The following PVT1 variants were observed in gnomAD, a reference collection of about 807,000 sequenced individuals.
The protein encoded by PVT1 is Pvt1 oncogene.
intron 4 of PVT1, among the ~76,000 whole-genome samples, chr8:128,063,601 C>G (rs1186744060): frequency 6.6e-6 from 1 of 152,066 alleles, no homozygotes; most frequent in African/African-American, 2.4e-5. Flanking sequence ...GTGTGTGTGG[C>G]TCAAGCCAGG....
intron 3 of PVT1, among the ~76,000 whole-genome samples, chr8:127,970,398 C>T (rs565076409): frequency 6.7e-5 from 10 of 148,952 alleles, no homozygotes; most frequent in Non-Finnish European, 1.2e-4. Flanking sequence ...CCCAGGCTCA[C>T]GCCATTCACC....
At position 127,833,778 on chromosome 8, in the gene PVT1, G is replaced by T. The variant is rs532725220; in HGVS notation, n.372+37707G>T. 6.6e-5 allele frequency among the ~76,000 whole-genome samples: 10 copies of T among 152,272 alleles called. No individual in the cohort carries two copies. In the South Asian group the frequency reaches 1.9e-3, roughly 28 times the overall value. On this transcript the variant is annotated intron_variant and non_coding_transcript_variant, in intron 2 of 10. Transcript: ENST00000651587. ...GTCTTGGCCCGAGGGCATTGGCTCT[G>T]CCTGGCTCCAGAGGGATATGAAGCC...
At chr8:128,009,349 A>G (rs1241055493) in intron 4 of PVT1, among the ~76,000 whole-genome samples, 1 of 152,212 alleles carries the variant, frequency 6.6e-6, no homozygotes, top group Non-Finnish European at 1.5e-5. Context: ...AAAAAGTCCT[A>G]TTCTATATGT....
At chr8:127,802,186 A>T (rs1227065451) in intron 2 of PVT1, among the ~76,000 whole-genome samples, 1 of 152,128 alleles carries the variant, frequency 6.6e-6, no homozygotes, top group African/African-American at 2.4e-5. Flanking sequence ...AAGTGCTGGA[A>T]TTACAGGTGT....
At position 127,984,858 on chromosome 8, in the gene PVT1, TTTC is replaced by T. The variant is rs1361561148; in HGVS notation, n.783-4301_783-4299del. On this transcript the variant is annotated intron_variant and non_coding_transcript_variant, in intron 3 of 10. Transcript: ENST00000651587. ...TTTCTTTTCTTTCTTTCTTTCTTTC[TTTC>T]TTTCTTTCTTTCTTTCTTTCTTTCT... Among the ~76,000 whole-genome samples, 145 of 47,176 alleles carry T rather than the reference TTTC, an allele frequency of 3.1e-3. 3 individuals carry two copies. Among genetic ancestry groups the T allele is most frequent in the African/African-American group, 8.7e-3 (137 of 15,736 alleles). The allele number at this position is 47,176 out of a possible 152,430, so 30.9% of individuals were successfully genotyped here.
chr8:127,933,028 T>C (rs1330960651), intron 3 of PVT1, among the ~76,000 whole-genome samples: 1 of 152,228 alleles, frequency 6.6e-6, no homozygotes. Context: ...GGGCATATTA[T>C]TGCCCTTTTA....
chr8:127,897,746 T>C (rs1428130791), intron 3 of PVT1, among the ~76,000 whole-genome samples: 2 of 148,886 alleles, frequency 1.3e-5, no homozygotes, highest in East Asian at 4.0e-4. Context: ...GAAAGATTCA[T>C]TATTCTGTCC....
intron 3 of PVT1, among the ~76,000 whole-genome samples, chr8:127,902,682 C>T (rs1168722939): frequency 2.6e-5 from 4 of 151,908 alleles, no homozygotes; most frequent in Admixed American, 6.6e-5. Context: ...TGAGAACATG[C>T]GGTATTTTGT....
At chr8:127,843,267 C>G (rs754485695) in intron 2 of PVT1, among the ~76,000 whole-genome samples, 3 of 150,732 alleles carry the variant, frequency 2.0e-5, no homozygotes. Flanking sequence ...ACTGCTTGAA[C>G]CCGGGAGGTG....
At chr8:127,914,792 T>C (rs1405860572) in intron 3 of PVT1, among the ~76,000 whole-genome samples, 2 of 151,128 alleles carry the variant, frequency 1.3e-5, no homozygotes, top group African/African-American at 4.9e-5. Flanking sequence ...AGTAGCTGCT[T>C]AATGGGTACA....
chr8:127,850,005 A>G lies in PVT1; in HGVS notation n.373-40584A>G, dbSNP rs7823282. 1.5e-4 allele frequency among the ~76,000 whole-genome samples: 17 copies of G among 116,346 alleles called. 4 individuals are homozygous for G. The highest frequency in any genetic ancestry group is 3.3e-4 in the South Asian group (1 of 2,986). The allele number at this position is 116,346 out of a possible 152,430, so 76.3% of individuals were successfully genotyped here. The stretch of plus-strand genomic sequence containing the variant: ...GGGTGCACAGCCTGTACATATGTGT[A>G]TTTGTGCTCCTGTGTGCACGTGCAT... On this transcript the variant is annotated intron_variant and non_coding_transcript_variant, in intron 2 of 10. Transcript: ENST00000651587.
At chr8:128,030,754 C>CT (rs1313786186) in intron 4 of PVT1, among the ~76,000 whole-genome samples, 5 of 152,164 alleles carry the variant, frequency 3.3e-5, no homozygotes, top group Non-Finnish European at 1.5e-5. Flanking sequence ...GTTCAGTCTT[C>CT]TTTTTTATCT....
intron 4 of PVT1, among the ~76,000 whole-genome samples, chr8:128,054,748 C>T (rs1813743919): frequency 6.6e-6 from 1 of 152,104 alleles, no homozygotes; most frequent in African/African-American, 2.4e-5. Context: ...GAATGCTGGG[C>T]CCAGGTTTTC....
intron 3 of PVT1, among the ~76,000 whole-genome samples, chr8:127,973,997 G>A (rs1403770512): frequency 6.6e-6 from 1 of 151,128 alleles, no homozygotes; most frequent in Non-Finnish European, 1.5e-5. Context: ...AAAAAAAGAA[G>A]ACATAGTTTA....
At chr8:127,867,101 C>T (rs973465925) in intron 2 of PVT1, among the ~76,000 whole-genome samples, 39 of 152,352 alleles carry the variant, frequency 2.6e-4, no homozygotes, top group African/African-American at 8.4e-4. Context: ...GCCTCAGATG[C>T]CCTTCTCAGT....
intron 2 of PVT1, among the ~76,000 whole-genome samples, chr8:127,827,081 C>T (rs1367275437): frequency 4.2e-5 from 6 of 142,896 alleles, no homozygotes; most frequent in Admixed American, 1.5e-4. Flanking sequence ...CCGTAATCTC[C>T]GCCTCCTGGG....
intron 3 of PVT1, chr8:127,989,090 G>T (rs1443751224): frequency 1.3e-5 from 2 of 152,148 alleles, no homozygotes; most frequent in South Asian, 2.1e-4. Flanking sequence ...TTAAATGAAT[G>T]AAACATCTCA....
At chr8:127,844,110 G>A (rs1234299581) in intron 2 of PVT1, among the ~76,000 whole-genome samples, 2 of 151,970 alleles carry the variant, frequency 1.3e-5, no homozygotes, top group Non-Finnish European at 2.9e-5. Flanking sequence ...AGCCTCCTGA[G>A]TAGCTGGGAC....
intron 2 of PVT1, among the ~76,000 whole-genome samples, chr8:127,823,655 C>T (rs1159300299): frequency 2.0e-5 from 3 of 152,174 alleles, no homozygotes; most frequent in Non-Finnish European, 4.4e-5. Context: ...CATGCCCCCT[C>T]TTGCCACTTG....
Sources: allele counts gnomAD v4.1 joint callset (sites outside exome capture counted in the v4.1 genomes callset), GRCh38; gene constraint gnomAD v4.1.1; transcripts MANE v1.5; gene names NCBI Gene and HGNC (gene_info 2026-07-23, HGNC 2026-07-21).